The following RNF38 variants were observed in gnomAD, a reference collection of about 807,000 sequenced individuals.
RNF38 encodes the protein ring finger protein 38, also known as E3 ubiquitin-protein ligase RNF38.
Under a neutral mutation model 67.2 loss-of-function variants are expected in RNF38, and 15 were observed. The ratio of observed to expected loss-of-function variants is 0.22; its 90% CI spans 0.15 to 0.34. The LOEUF (loss-of-function observed/expected upper bound fraction) is 0.34. RNF38 is among the 10% of genes least tolerant of loss of function. The pLI is 1.00. For missense variants in RNF38, 524 were observed against 639.9 expected (o/e 0.82, Z 1.95); for synonymous variants, 220 against 218.8 (o/e 1.01, Z -0.05).
chr9:36,428,370 G>A (rs1292545017), intron 1 of RNF38, among the ~76,000 whole-genome samples: 2 of 150,308 alleles, frequency 1.3e-5, no homozygotes, highest in Non-Finnish European at 2.9e-5. Context: ...ATGAGATCAC[G>A]CCACTGCACT....
upstream of RNF38, chr9:36,401,201 G>A: frequency 5.3e-6 from 5 of 947,930 alleles, no homozygotes; most frequent in Non-Finnish European, 6.3e-6. Context: ...GGGGGAAGGG[G>A]GCGGGGCGGG....
At chr9:36,420,549 A>G (rs1838598134) in intron 2 of RNF38, among the ~76,000 whole-genome samples, 1 of 149,506 alleles carries the variant, frequency 6.7e-6, no homozygotes, top group African/African-American at 2.4e-5. Flanking sequence ...AAAAAAAAAG[A>G]GGACAACCTT....
At chr9:36,414,471 G>A (rs1220795560) in intron 2 of RNF38, among the ~76,000 whole-genome samples, 2 of 151,992 alleles carry the variant, frequency 1.3e-5, no homozygotes, top group Admixed American at 6.6e-5. Flanking sequence ...GATCACCTGA[G>A]GTTGGGAGTT....
intron 9 of RNF38, among the ~76,000 whole-genome samples, chr9:36,346,046 CTTA>C (rs1449134266): frequency 1.3e-5 from 2 of 152,172 alleles, no homozygotes; most frequent in Non-Finnish European, 1.5e-5. Context: ...CAGTAATATT[CTTA>C]TTTTATCATT....
At chr9:36,407,007 C>CA (rs72056273) in intron 2 of RNF38, among the ~76,000 whole-genome samples, 8,351 of 151,666 alleles carry the variant, frequency 0.055, 698 homozygotes, top group African/African-American at 0.18. Context: ...ACCAAAAATA[C>CA]AAAAAAAACC....
At chr9:36,485,983 T>G (rs1254733337) in intron 1 of RNF38, among the ~76,000 whole-genome samples, 2 of 152,146 alleles carry the variant, frequency 1.3e-5, no homozygotes, top group Non-Finnish European at 2.9e-5. Context: ...CACTCAACCT[T>G]GTAAGCTACC....
intron 1 of RNF38, among the ~76,000 whole-genome samples, chr9:36,398,890 A>G (rs1837755354): frequency 6.6e-6 from 1 of 152,216 alleles, no homozygotes; most frequent in Non-Finnish European, 1.5e-5. Flanking sequence ...GCAAGTACCT[A>G]ATCATTTCAG....
At chr9:36,367,158 T>C (rs1316835057) in intron 4 of RNF38, among the ~76,000 whole-genome samples, 1 of 152,182 alleles carries the variant, frequency 6.6e-6, no homozygotes, top group Non-Finnish European at 1.5e-5. Context: ...CCTGACAGAC[T>C]CAAAATTGAA....
At chr9:36,478,422 A>AAG (rs1564078495) in intron 1 of RNF38, among the ~76,000 whole-genome samples, 4 of 150,334 alleles carry the variant, frequency 2.7e-5, no homozygotes, top group Middle Eastern at 3.5e-3. Context: ...AAAAAAAAAA[A>AAG]AGAGAGCGTT....
intron 2 of RNF38, among the ~76,000 whole-genome samples, chr9:36,417,966 T>C (rs2134221816): frequency 6.6e-6 from 1 of 152,284 alleles, no homozygotes; most frequent in South Asian, 2.1e-4. Context: ...AAAAACAATC[T>C]GTTAATACTG....
intron 3 of RNF38, among the ~76,000 whole-genome samples, chr9:36,370,514 T>C (rs1342786171): frequency 6.6e-6 from 1 of 152,020 alleles, no homozygotes; most frequent in Admixed American, 6.5e-5. Context: ...AATATGATAG[T>C]ATCAACATAA....
chr9:36,433,256 T>C (rs1393420009), intron 1 of RNF38, among the ~76,000 whole-genome samples: 2 of 151,386 alleles, frequency 1.3e-5, no homozygotes, highest in Non-Finnish European at 2.9e-5. Flanking sequence ...AATTATACAT[T>C]CTAAAATAAC....
At chr9:36,412,601 T>G (rs1417170351) in intron 2 of RNF38, among the ~76,000 whole-genome samples, 1 of 152,202 alleles carries the variant, frequency 6.6e-6, no homozygotes, top group South Asian at 2.1e-4. Context: ...AAGAGCGAGA[T>G]GAGATCTCGC....
chr9:36,400,407 C>T (rs1314007091), upstream of RNF38: 1 of 1,128,216 alleles, frequency 8.9e-7, no homozygotes, highest in Non-Finnish European at 1.1e-6. Flanking sequence ...GAGCTGAGAC[C>T]GCGCCTCCTC....
At chr9:36,473,847 C>T (rs1204979190) in intron 1 of RNF38, among the ~76,000 whole-genome samples, 22 of 151,152 alleles carry the variant, frequency 1.5e-4, no homozygotes, top group South Asian at 6.3e-4. Context: ...ATTAGCCGGG[C>T]GTGGTGGCAG....
intron 2 of RNF38, among the ~76,000 whole-genome samples, chr9:36,420,928 T>C (rs1053195174): frequency 7.6e-6 from 1 of 131,072 alleles, no homozygotes; most frequent in Non-Finnish European, 1.7e-5. Flanking sequence ...CACTATAAAC[T>C]ATAAACAGAT....
chr9:36,458,735 C>T (rs1054782577), intron 1 of RNF38, among the ~76,000 whole-genome samples: 2 of 152,144 alleles, frequency 1.3e-5, no homozygotes, highest in South Asian at 2.1e-4. Flanking sequence ...CGCGAGGGTC[C>T]GCGGCTTCAT....
intron 1 of RNF38, among the ~76,000 whole-genome samples, chr9:36,426,227 G>A (rs1360137149): frequency 6.6e-6 from 1 of 151,896 alleles, no homozygotes; most frequent in African/African-American, 2.4e-5. Flanking sequence ...ATTATTTAAA[G>A]TATACAATTC....
intron 1 of RNF38, among the ~76,000 whole-genome samples, chr9:36,450,445 C>T (rs919896022): frequency 6.6e-6 from 1 of 152,156 alleles, no homozygotes; most frequent in African/African-American, 2.4e-5. Flanking sequence ...CACCTAGGTA[C>T]ATAACTATAA....
Sources: gnomAD v4.1 joint callset for allele counts (sites outside exome capture counted in the v4.1 genomes callset) on GRCh38, gnomAD v4.1.1 for gene constraint, MANE v1.5 for transcripts, NCBI Gene and HGNC (gene_info 2026-07-23, HGNC 2026-07-21) for gene names.